Variants in TMPRSS4 observed in about 807,000 individuals in gnomAD.
TMPRSS4 encodes the protein transmembrane protease serine 4.
A neutral mutation model predicts 56.4 loss-of-function variants in TMPRSS4; 45 were observed. The observed-to-expected ratio is 0.80, with a 90% CI of 0.63 to 1.02. TMPRSS4 has a LOEUF of 1.02. TMPRSS4 is among the 50% of genes least tolerant of loss of function. The pLI is 0.00. For synonymous variants in TMPRSS4, 205 were observed against 211.0 expected, an observed-to-expected ratio of 0.97 and a Z score of 0.25; for missense variants, 546 against 556.7, an observed-to-expected ratio of 0.98 and a Z score of 0.19.
chr11:118,080,434 G>A lies in TMPRSS4; in HGVS notation c.3+3129G>A, dbSNP rs373381903. ...AGCTGCACCTGCCGAGGTGGAAGCT[G>A]CATCCCCAGGCCCTGTCCATCTCCC... On this transcript the variant is annotated intron_variant, in intron 1 of 12. Coordinates refer to ENST00000437212, the MANE Select transcript of TMPRSS4 (RefSeq NM_019894.4). Among the ~76,000 whole-genome samples, 12 of 152,314 alleles carry A rather than the reference G, an allele frequency of 7.9e-5. No individual in the cohort carries two copies. The East Asian group carries it at 2.1e-3, about 27-fold the overall frequency.
At chr11:118,078,244 A>T (rs559055370) in intron 1 of TMPRSS4, among the ~76,000 whole-genome samples, 26 of 152,128 alleles carry the variant, frequency 1.7e-4, no homozygotes, top group Non-Finnish European at 2.8e-4. Context: ...AGGGGAAGAG[A>T]TAATAACTGG....
intron 11 of TMPRSS4, 147 bp from the exon 12 acceptor site, chr11:118,117,158 T>C (rs566099928): frequency 2.5e-6 from 2 of 791,710 alleles, no homozygotes; most frequent in Admixed American, 3.9e-5. Flanking sequence ...CATTCTAGGG[T>C]GCTAATGAGC....
Position 118,117,321 on chromosome 11 carries a change from C to G in TMPRSS4, c.1169C>G (p.Pro390Arg). 2 of 1,614,032 alleles carry G rather than the reference C, an allele frequency of 1.2e-6. No individual in the cohort carries two copies. Among genetic ancestry groups the G allele is most frequent in the Non-Finnish European group, 1.7e-6 (2 of 1,180,012 alleles). The change falls in exon 12 of 13, where the codon CCC becomes CGC. Residue 390 changes from proline (P) to arginine (R), a missense_variant. Physicochemically the swap from Pro to Arg is moderately radical, Grantham distance 103 (BLOSUM62 -2). Transcript: ENST00000437212. ...CTCTCACAGGGTGACAGTGGTGGGC[C>G]CCTGATGTACCAATCTGACCAGTGG... is the stretch of plus-strand genomic sequence containing the variant. ...VDTCQGDSGG[P>R]LMYQSDQWHV... is the part of the protein sequence containing the mutation.
At chr11:118,096,846 G>GGAAAGAAGGAAAGAAA (rs1555084542) in intron 2 of TMPRSS4, among the ~76,000 whole-genome samples, 2 of 36,264 alleles carry the variant, frequency 5.5e-5, no homozygotes, top group African/African-American at 2.7e-4. Context: ...AAGGAAAGAA[G>GGAAAGAAGGAAAGAAA]GAAAGAAAGA....
At chr11:118,097,023 A>AG (rs1555085001) in intron 2 of TMPRSS4, among the ~76,000 whole-genome samples, 3 of 28,068 alleles carry the variant, frequency 1.1e-4, no homozygotes, top group African/African-American at 5.2e-4. Context: ...AAAGAAAGAA[A>AG]GAAAGAAAGA....
rs140795322 is a variant in TMPRSS4 at position 118,113,399 on chromosome 11, G to A, written c.874G>A (p.Ala292Thr). 30 of 1,614,088 alleles carry A rather than the reference G, an allele frequency of 1.9e-5. No individual in the cohort carries two copies. Among genetic ancestry groups the A allele is most frequent in the African/African-American group, 5.3e-5 (4 of 74,996 alleles). Reference protein sequence around the residue: ...NPMYPKDNDIALMKLQFPLTF... With the variant: ...NPMYPKDNDITLMKLQFPLTF... ...CATGTACCCCAAAGACAATGACATC[G>A]CCCTCATGAAGCTGCAGTTCCCACT... The change falls in exon 9 of 13, where the codon GCC becomes ACC. Residue 292 changes from alanine (A) to threonine (T), a missense_variant. Transcript: ENST00000437212.
intron 2 of TMPRSS4, 90 bp from the exon 3 acceptor site, chr11:118,098,895 G>A (rs558747259): frequency 4.4e-5 from 45 of 1,013,768 alleles, no homozygotes; most frequent in Middle Eastern, 4.3e-4. Context: ...ACCTGTCACC[G>A]GCCAGAAGGC....
At chr11:118,094,955 C>A in intron 2 of TMPRSS4, 100 bp downstream of exon 2, 2 of 1,262,924 alleles carry the variant, frequency 1.6e-6, no homozygotes, top group Non-Finnish European at 2.3e-6. Flanking sequence ...CCACCACCAC[C>A]AAAGTGCTAA....
chr11:118,110,184 C>T (rs1448384531), intron 7 of TMPRSS4, among the ~76,000 whole-genome samples: 1 of 152,158 alleles, frequency 6.6e-6, no homozygotes, highest in African/African-American at 2.4e-5. Context: ...CTCCCAGCAC[C>T]CAGCACTGCC....
At chr11:118,106,483 C>T (rs1465384927) in intron 5 of TMPRSS4, 1 of 148,728 alleles carries the variant, frequency 6.7e-6, no homozygotes, top group African/African-American at 2.5e-5. Context: ...ATCTAGTCCA[C>T]GCATCTTTTT....
At chr11:118,114,355 AC>A (rs1947431947) in intron 9 of TMPRSS4, among the ~76,000 whole-genome samples, 1 of 151,994 alleles carries the variant, frequency 6.6e-6, no homozygotes. Context: ...AAAGGGACAT[AC>A]CCCACCCCCC....
intron 1 of TMPRSS4, chr11:118,087,781 TA>T (rs1392037890): frequency 6.6e-6 from 1 of 151,994 alleles, no homozygotes; most frequent in African/African-American, 2.4e-5. Context: ...AAAACAGTGG[TA>T]GGGGTGGGGA....
At chr11:118,090,222 G>A (rs1044963060) in intron 1 of TMPRSS4, among the ~76,000 whole-genome samples, 1 of 152,094 alleles carries the variant, frequency 6.6e-6, no homozygotes, top group Non-Finnish European at 1.5e-5. Flanking sequence ...ATACCAGTCA[G>A]GTTCGTAAAG....
intron 1 of TMPRSS4, among the ~76,000 whole-genome samples, chr11:118,090,773 GTCTC>G (rs762277784): frequency 2.3e-4 from 34 of 148,580 alleles, no homozygotes; most frequent in Admixed American, 6.7e-4. Context: ...ATGAGACTCT[GTCTC>G]TCTCTCTTTC....
chr11:118,099,594 C>A (rs1946630297), intron 3 of TMPRSS4, among the ~76,000 whole-genome samples: 1 of 152,176 alleles, frequency 6.6e-6, no homozygotes, highest in Non-Finnish European at 1.5e-5. Context: ...CGGCTTCTAT[C>A]CCAGGTGACT....
At chr11:118,080,289 G>A (rs533821566) in intron 1 of TMPRSS4, among the ~76,000 whole-genome samples, 1 of 152,228 alleles carries the variant, frequency 6.6e-6, no homozygotes, top group Non-Finnish European at 1.5e-5. Context: ...GGCAGGGAAA[G>A]CAGGAAGGAG....
downstream of TMPRSS4, among the ~76,000 whole-genome samples, chr11:118,123,349 A>G (rs574188525): frequency 5.9e-5 from 9 of 152,352 alleles, no homozygotes; most frequent in South Asian, 1.7e-3. Context: ...TTTAACATAA[A>G]TCTTTTAGAT....
At position 118,111,851 on chromosome 11, in the gene TMPRSS4, G is replaced by A. The variant is rs150893015; in HGVS notation, c.694G>A (p.Gly232Arg). 175 of 1,609,400 alleles carry A rather than the reference G, an allele frequency of 1.1e-4. No homozygotes were observed. The highest frequency in any genetic ancestry group is 1.4e-4 in the Non-Finnish European group (165 of 1,178,198). ...IQYDKQHVCG[G>R]SILDPHWVLT... The stretch of plus-strand genomic sequence containing the variant: ...GTACGACAAACAGCACGTCTGTGGA[G>A]GGAGCATCCTGGACCCCCACTGGGT... The change falls in exon 8 of 13, where the codon GGG becomes AGG. Residue 232 changes from glycine (G) to arginine (R), a missense_variant. Transcript: ENST00000437212.
At chr11:118,082,789 T>A (rs1318747679) in intron 1 of TMPRSS4, among the ~76,000 whole-genome samples, 2 of 152,110 alleles carry the variant, frequency 1.3e-5, no homozygotes. Context: ...TATAAGTGGA[T>A]CAGGCCTAGG....
Sources: gnomAD v4.1 joint callset for allele counts (sites outside exome capture counted in the v4.1 genomes callset) on GRCh38, gnomAD v4.1.1 for gene constraint, MANE v1.5 for transcripts, NCBI Gene and HGNC (gene_info 2026-07-23, HGNC 2026-07-21) for gene names.